The following AFF1 variants were observed in gnomAD, a reference collection of about 807,000 sequenced individuals.
AFF1 encodes the protein ALF transcription elongation factor 1, also known as AF4/FMR2 family member 1.
AFF1 carries 48 observed loss-of-function variants against 121.7 expected under a neutral mutation model. The ratio of observed to expected loss-of-function variants is 0.39; its 90% CI spans 0.31 to 0.50. The LOEUF (loss-of-function observed/expected upper bound fraction) is 0.50. AFF1 is among the 20% of genes least tolerant of loss of function. The pLI is 0.76. For missense variants in AFF1, 1,523 were observed against 1,511.7 expected (o/e 1.01, Z -0.12); for synonymous variants, 613 against 563.0 (o/e 1.09, Z -1.26).
At chr4:87,084,795 T>C (rs939126507) in intron 5 of AFF1, among the ~76,000 whole-genome samples, 8 of 152,138 alleles carry the variant, frequency 5.3e-5, no homozygotes, top group Non-Finnish European at 1.0e-4. Context: ...ATGGCATCTC[T>C]CGTTAAGTTT....
intron 2 of AFF1, among the ~76,000 whole-genome samples, chr4:86,980,583 A>G (rs1371296716): frequency 6.6e-6 from 1 of 152,228 alleles, no homozygotes; most frequent in Non-Finnish European, 1.5e-5. Context: ...CTACTGTTGC[A>G]TAATCTCTAA....
intron 7 of AFF1, among the ~76,000 whole-genome samples, chr4:87,093,025 G>T (rs902335842): frequency 6.6e-6 from 1 of 152,138 alleles, no homozygotes; most frequent in Non-Finnish European, 1.5e-5. Context: ...GTTGCTCATG[G>T]TTTGTTTTAT....
intron 6 of AFF1, 102 bp downstream of exon 6, chr4:87,090,172 G>C: frequency 1.1e-6 from 1 of 918,866 alleles, no homozygotes; most frequent in Non-Finnish European, 1.7e-6. Flanking sequence ...TCAAATCTTT[G>C]GAAATGAGGT....
At chr4:87,075,317 T>C (rs1224131658) in intron 4 of AFF1, among the ~76,000 whole-genome samples, 1 of 152,080 alleles carries the variant, frequency 6.6e-6, no homozygotes, top group Non-Finnish European at 1.5e-5. Flanking sequence ...AAAGGTAAAT[T>C]TAAAAAAATC....
chr4:87,003,127 C>G (rs902095706), intron 2 of AFF1, among the ~76,000 whole-genome samples: 1 of 152,118 alleles, frequency 6.6e-6, no homozygotes, highest in Admixed American at 6.6e-5. Context: ...AGTATCATCC[C>G]ACTTGTTTCA....
At chr4:86,988,215 GATATA>G (rs1338325693) in intron 2 of AFF1, among the ~76,000 whole-genome samples, 2 of 151,980 alleles carry the variant, frequency 1.3e-5, no homozygotes, top group Non-Finnish European at 1.5e-5. Context: ...ACTGCTTTGA[GATATA>G]TAATAAGTTA....
At chr4:86,950,502 ACTT>A (rs1721233882) in intron 2 of AFF1, among the ~76,000 whole-genome samples, 1 of 152,132 alleles carries the variant, frequency 6.6e-6, no homozygotes, top group South Asian at 2.1e-4. Context: ...TTCTTTTCCC[ACTT>A]CTTGCTACTG....
At chr4:86,970,751 A>G (rs1454310343) in intron 2 of AFF1, among the ~76,000 whole-genome samples, 2 of 152,224 alleles carry the variant, frequency 1.3e-5, no homozygotes, top group Admixed American at 6.5e-5. Context: ...GTTCGAGCAG[A>G]GACCTGAGGA....
At chr4:86,983,104 G>T (rs1560516731) in intron 2 of AFF1, among the ~76,000 whole-genome samples, 1 of 152,028 alleles carries the variant, frequency 6.6e-6, no homozygotes. Context: ...AGAATACTTT[G>T]TCAGGCCAGG....
At position 86,941,673 on chromosome 4, in the gene AFF1, T is replaced by TA. The variant is rs1447378392; in HGVS notation, c.-37+6436dup. Among the ~76,000 whole-genome samples, 10 of 150,568 alleles carry TA rather than the reference T, an allele frequency of 6.6e-5. No homozygotes were observed. In the East Asian group the frequency reaches 1.8e-3, roughly 26 times the overall value. On this transcript the variant is annotated intron_variant, in intron 1 of 20. Coordinates refer to ENST00000395146, the MANE Select transcript of AFF1 (RefSeq NM_001166693.3). ...TCTCATAAATAAATAAATAAATAAATAAATAAAATAAAAAATAGCCAGGCA... is the reference window on the plus strand; with the variant it reads ...TCTCATAAATAAATAAATAAATAAATAAAATAAAATAAAAAATAGCCAGGCA...
chr4:87,115,639 C>G (rs1727042991), intron 12 of AFF1, among the ~76,000 whole-genome samples: 1 of 36,874 alleles, frequency 2.7e-5, no homozygotes, highest in South Asian at 8.2e-4. Flanking sequence ...AAGACAGGCC[C>G]TTGCTCTGTT....
At chr4:87,082,657 G>C (rs984203880) in intron 4 of AFF1, among the ~76,000 whole-genome samples, 1 of 152,034 alleles carries the variant, frequency 6.6e-6, no homozygotes, top group Non-Finnish European at 1.5e-5. Context: ...TCAGACTCCT[G>C]GGCTCAGGCA....
At chr4:87,067,244 CTG>C (rs1429971120) in intron 4 of AFF1, among the ~76,000 whole-genome samples, 5 of 152,200 alleles carry the variant, frequency 3.3e-5, no homozygotes, top group East Asian at 1.9e-4. Context: ...AGAACATACT[CTG>C]TGTGTACAGG....
At chr4:87,018,899 A>G (rs1727614454) in intron 2 of AFF1, among the ~76,000 whole-genome samples, 1 of 152,208 alleles carries the variant, frequency 6.6e-6, no homozygotes, top group Non-Finnish European at 1.5e-5. Flanking sequence ...CAAATAAGGG[A>G]TGTGGTAGAA....
intron 4 of AFF1, among the ~76,000 whole-genome samples, chr4:87,051,189 A>C (rs938629504): frequency 6.6e-6 from 1 of 152,202 alleles, no homozygotes; most frequent in African/African-American, 2.4e-5. Context: ...AAAAAGTTGT[A>C]GTTAATATCA....
chr4:87,066,328 G>A (rs571238327), intron 4 of AFF1, among the ~76,000 whole-genome samples: 15 of 152,288 alleles, frequency 9.8e-5, no homozygotes, highest in African/African-American at 3.1e-4. Flanking sequence ...GTTTGGCTGG[G>A]TGTAGGGGGT....
chr4:86,976,429 T>C (rs1037309379), intron 2 of AFF1, among the ~76,000 whole-genome samples: 1 of 152,110 alleles, frequency 6.6e-6, no homozygotes, highest in African/African-American at 2.4e-5. Flanking sequence ...CCATGTCATA[T>C]CACGCACCCA....
At chr4:87,106,918 T>C (rs1264311718) in intron 10 of AFF1, among the ~76,000 whole-genome samples, 2 of 152,222 alleles carry the variant, frequency 1.3e-5, no homozygotes, top group Non-Finnish European at 2.9e-5. Context: ...TCTTATTTTG[T>C]TCAGTAATTT....
chr4:87,087,310 C>T (rs1287791045), intron 5 of AFF1, among the ~76,000 whole-genome samples: 1 of 152,170 alleles, frequency 6.6e-6, no homozygotes, highest in African/African-American at 2.4e-5. Context: ...AAGAGAAATA[C>T]ATAGTGTTGG....
Sources: gnomAD v4.1 joint callset for allele counts (sites outside exome capture counted in the v4.1 genomes callset) on GRCh38, gnomAD v4.1.1 for gene constraint, MANE v1.5 for transcripts, NCBI Gene and HGNC (gene_info 2026-07-23, HGNC 2026-07-21) for gene names.